The following CCDC157 variants were observed in gnomAD, a reference collection of about 807,000 sequenced individuals.
The protein encoded by CCDC157 is coiled-coil domain containing 157.
A neutral mutation model predicts 70.9 loss-of-function variants in CCDC157; 60 were observed. That is an observed-to-expected ratio of 0.85 (90% CI 0.69 to 1.05). CCDC157 has a LOEUF of 1.05. Ranked by LOEUF, CCDC157 falls within the 50% of genes least tolerant of loss-of-function variation. The pLI is 0.00. For synonymous variants in CCDC157, 373 were observed against 422.4 expected, an observed-to-expected ratio of 0.88 and a Z score of 1.43; for missense variants, 943 against 984.2, an observed-to-expected ratio of 0.96 and a Z score of 0.56.
intron 9 of CCDC157, chr22:30,374,356 G>A: frequency 1.6e-6 from 1 of 625,032 alleles, no homozygotes. Flanking sequence ...CACAGGTCTG[G>A]TTGTCCCCAC....
intron 2 of CCDC157, among the ~76,000 whole-genome samples, chr22:30,364,556 C>T (rs1263926239): frequency 2.0e-5 from 3 of 152,110 alleles, no homozygotes; most frequent in Non-Finnish European, 4.4e-5. Context: ...CGCCTGTAAT[C>T]CCAGCACTTT....
At chr22:30,375,014 A>G (rs1933247685) in intron 9 of CCDC157, 1 of 319,984 alleles carries the variant, frequency 3.1e-6, no homozygotes, top group Admixed American at 4.7e-5. Flanking sequence ...GCTGGAGTGC[A>G]GTGGCACAAT....
chr22:30,373,712 A>G lies in CCDC157; in HGVS notation c.1451A>G (p.Glu484Gly). The G allele has an allele frequency of 6.4e-7, 1 of 1,553,412 alleles. No individual in the cohort carries two copies. The highest frequency in any genetic ancestry group is 8.7e-7 in the Non-Finnish European group (1 of 1,148,866). ...EAEAQRARVE[E>G]QLQSEREQGQ... ...GAGGCCCAGCGGGCCCGCGTGGAGG[A>G]GCAGCTGCAGAGCGAGCGGGAGCAG... Residue 484 changes from glutamate to glycine, a missense_variant, in exon 8 of 12, where the codon GAG (glutamate) becomes GGG (glycine). Coordinates refer to ENST00000338306, the MANE Select transcript of CCDC157 (RefSeq NM_001017437.5).
chr22:30,358,648 G>T lies in CCDC157; in HGVS notation c.-166+1516G>T, dbSNP rs532902212. On this transcript the variant is annotated intron_variant, in intron 1 of 11. Coordinates refer to ENST00000338306, the MANE Select transcript of CCDC157 (RefSeq NM_001017437.5). The stretch of plus-strand genomic sequence containing the variant: ...GTACTAGTTCTGAGAGAGAGAAGGC[G>T]CTTGAATGTTGAACGGAAATGCAGG... 5.9e-5 allele frequency among the ~76,000 whole-genome samples: 9 copies of T among 152,328 alleles called. No homozygotes were observed. In the South Asian group the frequency reaches 1.9e-3, roughly 32 times the overall value.
intron 1 of CCDC157, 59 bp downstream of exon 1, chr22:30,357,191 C>G (rs1931943902): frequency 5.8e-6 from 1 of 172,684 alleles, no homozygotes; most frequent in African/African-American, 2.4e-5. Flanking sequence ...GGCTCCTTTA[C>G]TCCACAGGCC....
At chr22:30,365,844 A>T in intron 2 of CCDC157, 146 bp from the exon 3 acceptor site, 2 of 790,424 alleles carry the variant, frequency 2.5e-6, no homozygotes, top group South Asian at 3.6e-5. Flanking sequence ...AGGCCTTGTC[A>T]CCTGGGGCTG....
At chr22:30,359,440 C>T (rs568054238) in intron 1 of CCDC157, among the ~76,000 whole-genome samples, 1 of 152,208 alleles carries the variant, frequency 6.6e-6, no homozygotes, top group Non-Finnish European at 1.5e-5. Context: ...CCTCAGATAT[C>T]ACTGGTAGTT....
chr22:30,368,416 G>T (rs1425003924), intron 3 of CCDC157, among the ~76,000 whole-genome samples: 1 of 152,222 alleles, frequency 6.6e-6, no homozygotes, highest in East Asian at 1.9e-4. Flanking sequence ...GAGTTAGAGT[G>T]GTGTAGCATT....
At position 30,369,918 on chromosome 22, in the gene CCDC157, G is replaced by A. The variant is rs185466596; in HGVS notation, c.420+315G>A. On this transcript the variant is annotated intron_variant, in intron 4 of 11. Transcript: ENST00000338306. ...ACCCCTGTTTGTTATGGGCTATCCC[G>A]TAATCCACACAACCACCCACTGGGG... 1,693 of 458,326 alleles carry A rather than the reference G, an allele frequency of 3.7e-3. 12 individuals are homozygous for A. Among genetic ancestry groups the A allele is most frequent in the Non-Finnish European group, 4.8e-3 (1,231 of 256,700 alleles). 28.4% of individuals were successfully genotyped at this position (458,326 alleles called of 1,614,324 possible).
At chr22:30,376,387 G>A (rs1933365428) in intron 11 of CCDC157, 40 bp downstream of exon 11, 2 of 1,613,170 alleles carry the variant, frequency 1.2e-6, no homozygotes, top group African/African-American at 1.3e-5. Flanking sequence ...GGTGAGTGGA[G>A]TGTTCCCTGC....
chr22:30,370,181 T>C, intron 4 of CCDC157, 145 bp from the exon 5 acceptor site: 2 of 909,220 alleles, frequency 2.2e-6, no homozygotes, highest in Non-Finnish European at 3.4e-6. Flanking sequence ...AGTTCTCTCT[T>C]ATTCACGTCG....
chr22:30,371,495 C>G (rs1932937795), intron 5 of CCDC157, 155 bp from the exon 6 acceptor site: 4 of 635,564 alleles, frequency 6.3e-6, no homozygotes, highest in Non-Finnish European at 8.4e-6. Context: ...AAGGGCCCAG[C>G]CGCTTCCACC....
chr22:30,371,176 G>A (rs906837886), intron 5 of CCDC157: 5 of 602,936 alleles, frequency 8.3e-6, no homozygotes, highest in Admixed American at 3.0e-5. Context: ...GGGCTAGGAC[G>A]CTTGCCCAGA....
intron 2 of CCDC157, among the ~76,000 whole-genome samples, chr22:30,363,551 G>T (rs1932496869): frequency 6.6e-6 from 1 of 152,062 alleles, no homozygotes; most frequent in South Asian, 2.1e-4. Context: ...GGCCAGGAAG[G>T]GGCAGGGCTG....
At chr22:30,376,097 A>T (rs1933335357) in intron 10 of CCDC157, 162 bp from the exon 11 acceptor site, 1 of 629,392 alleles carries the variant, frequency 1.6e-6, no homozygotes, top group Non-Finnish European at 2.8e-6. Context: ...TGCAGCTGAG[A>T]ATAGGCCCTG....
intron 5 of CCDC157, 188 bp from the exon 6 acceptor site, chr22:30,371,462 A>C: frequency 1.7e-6 from 1 of 601,086 alleles, no homozygotes; most frequent in Non-Finnish European, 3.0e-6. Flanking sequence ...CATGGCAGCC[A>C]GCCCATGAGA....
upstream of CCDC157, chr22:30,356,667 G>A: frequency 1.6e-6 from 2 of 1,279,694 alleles, no homozygotes; most frequent in African/African-American, 1.5e-5. Context: ...GCTTATTCCT[G>A]TGCGAGTAAG....
intron 7 of CCDC157, chr22:30,373,315 G>A (rs567435762): frequency 2.1e-6 from 1 of 465,610 alleles, no homozygotes; most frequent in Admixed American, 3.8e-5. Context: ...TGACTGGAAG[G>A]AAGTGGGGGT....
chr22:30,363,406 T>G (rs888134173), intron 2 of CCDC157, among the ~76,000 whole-genome samples: 1 of 152,120 alleles, frequency 6.6e-6, no homozygotes, highest in Non-Finnish European at 1.5e-5. Flanking sequence ...TAGTTAATAT[T>G]GCTTAAGAAC....
Sources: gnomAD v4.1 joint callset for allele counts (sites outside exome capture counted in the v4.1 genomes callset) on GRCh38, gnomAD v4.1.1 for gene constraint, MANE v1.5 for transcripts, NCBI Gene and HGNC (gene_info 2026-07-23, HGNC 2026-07-21) for gene names.